ZBED1: variants seen among roughly 807,000 people sequenced by gnomAD.
ZBED1 encodes the protein zinc finger BED-type containing 1, also known as E3 SUMO-protein ligase ZBED1.
In ZBED1, 19 loss-of-function variants were observed where a neutral mutation model predicts 49.7. That is an observed-to-expected ratio of 0.38 (90% CI 0.27 to 0.56). The LOEUF (loss-of-function observed/expected upper bound fraction) is 0.56, where lower values mean the gene tolerates loss of function less well. Among genes scored for constraint, ZBED1 ranks in the 20% least tolerant of loss-of-function variants. The pLI is 0.70. For synonymous variants in ZBED1, 439 were observed against 440.3 expected (o/e 1.00, Z 0.04); for missense variants, 806 against 972.6 (o/e 0.83, Z 2.28).
rs373823098 is a variant in ZBED1 at position 2,489,096 on chromosome X, T to C, written c.1624A>G (p.Ser542Gly). ...LMRTSTPPPA[S>G]VINNMLAEIF... Reference sequence around the variant, plus strand: ...TCGGCCAGCATGTTGTTGATGACGCTGGCGGGCGGCGGCGTGGATGTCCGC... The same window carrying C: ...TCGGCCAGCATGTTGTTGATGACGCCGGCGGGCGGCGGCGTGGATGTCCGC... The change falls in exon 2 of 2, where the codon AGC becomes GGC. Residue 542 changes from serine to glycine, a missense_variant. Physicochemically the swap from Ser to Gly is moderately conservative, Grantham distance 56. Transcript: ENST00000652001. The C allele has an allele frequency of 4.3e-6, 7 of 1,613,584 alleles. No individual in the cohort carries two copies. Among genetic ancestry groups the C allele is most frequent in the Non-Finnish European group, 4.2e-6 (5 of 1,179,834 alleles).
intron 1 of ZBED1, among the ~76,000 whole-genome samples, chrX:2,492,192 T>C (rs2045168615): frequency 6.6e-6 from 1 of 152,014 alleles, no homozygotes; most frequent in Non-Finnish European, 1.5e-5. Flanking sequence ...GGAAAAAGGG[T>C]CTTTGCAGAT....
intron 1 of ZBED1, 103 bp downstream of exon 1, chrX:2,500,714 A>C: frequency 5.5e-6 from 1 of 181,476 alleles, no homozygotes; most frequent in Non-Finnish European, 7.6e-6. Context: ...CGGGAGCGCC[A>C]CCGCCTCGCC....
intron 1 of ZBED1, among the ~76,000 whole-genome samples, chrX:2,491,917 C>A (rs1423964230): frequency 6.6e-6 from 1 of 152,222 alleles, no homozygotes; most frequent in Non-Finnish European, 1.5e-5. Context: ...GCCCTTCCAG[C>A]TGCCACTCAG....
At position 2,488,344 on chromosome X, in the gene ZBED1, T is replaced by A; in HGVS notation, c.*291A>T. The A allele has an allele frequency of 2.6e-6, 1 of 378,042 alleles. No individual in the cohort carries two copies. The highest frequency in any genetic ancestry group is 4.7e-6 in the Non-Finnish European group (1 of 214,616). 23.4% of individuals were successfully genotyped at this position (378,042 alleles called of 1,614,324 possible). ...CACATGCCATCAGTCCTGGCTAATT[T>A]TTGTATTTTTAGTAGAGACGGGGTT... On this transcript the variant is annotated 3_prime_UTR_variant, in exon 2 of 2. Transcript: ENST00000652001.
Position 2,490,485 on chromosome X carries a change from C to T in ZBED1, c.235G>A (p.Val79Ile), listed in dbSNP as rs376758212. 10 of 1,613,992 alleles carry T rather than the reference C, an allele frequency of 6.2e-6. No individual in the cohort carries two copies. The highest frequency in any genetic ancestry group is 4.5e-5 in the East Asian group (2 of 44,870). The change falls in exon 2 of 2, where the codon GTC becomes ATC. Residue 79 changes from valine to isoleucine, a missense_variant. Around this residue, in one of 2 missense-constraint regions of ZBED1, gnomAD observed 57 missense variants for 111.3 expected, o/e 0.51. Transcript: ENST00000652001. Reference protein sequence around the residue: ...KNHPEEFCEFVKSNTEQMREA... With the variant: ...KNHPEEFCEFIKSNTEQMREA... ...CGCATCTGCTCCGTGTTGCTCTTGACGAACTCGCAGAATTCCTCGGGGTGG... is the reference window on the plus strand; with the variant it reads ...CGCATCTGCTCCGTGTTGCTCTTGATGAACTCGCAGAATTCCTCGGGGTGG...
rs1055967784 is a variant in ZBED1, at chrX:2,489,782, G to A, written c.938C>T (p.Ser313Leu). ...GTACTCCACCAGTTTGCGGCAGCGC[G>A]ACAGCAGCGCCCCCAGCTTCGGGAG... Reference protein sequence around the residue: ...FQLPKLGALLSRCRKLVEYFQ... With the variant: ...FQLPKLGALLLRCRKLVEYFQ... The change falls in exon 2 of 2, where the codon TCG (serine) becomes TTG (leucine). Residue 313 changes from serine (S) to leucine (L), a missense_variant. This residue lies in a region of ZBED1 where 749 missense variants were observed against 861.3 expected (regional missense o/e 0.87). Transcript: ENST00000652001. The A allele has an allele frequency of 2.4e-5, 38 of 1,613,260 alleles. No individual in the cohort carries two copies. The highest frequency in any genetic ancestry group is 4.0e-5 in the African/African-American group (3 of 74,926).
Position 2,490,137 on chromosome X carries a change from C to T in ZBED1, c.583G>A (p.Gly195Ser). 6.2e-7 allele frequency: 1 copy of T among 1,613,940 alleles called. No individual in the cohort carries two copies. The highest frequency in any genetic ancestry group is 8.5e-7 in the Non-Finnish European group (1 of 1,179,880). ...CTCCTCCACATGTCGGTGGAGATGC[C>T]ACACCAGGTGGCCTCGGCCAGCTCC... ...LKELAEATWC[G>S]ISTDMWRSEN... The change falls in exon 2 of 2, where the codon GGC becomes AGC. Residue 195 changes from glycine to serine, a missense_variant. By Grantham distance (56) the Gly-to-Ser change is moderately conservative. This residue lies in a region of ZBED1 where 749 missense variants were observed against 861.3 expected (regional missense o/e 0.87). Transcript: ENST00000652001.
intron 1 of ZBED1, 59 bp downstream of exon 1, chrX:2,500,758 G>C: frequency 1.2e-3 from 372 of 301,742 alleles, no homozygotes; most frequent in Non-Finnish European, 1.4e-3. Flanking sequence ...CCCCGCCCCC[G>C]AGCCAGCCCG....
At chrX:2,493,296 C>T (rs1336315708) in intron 1 of ZBED1, among the ~76,000 whole-genome samples, 1 of 152,120 alleles carries the variant, frequency 6.6e-6, no homozygotes, top group Non-Finnish European at 1.5e-5. Context: ...AGTGACAGGA[C>T]ACAGCTGTAT....
intron 1 of ZBED1, among the ~76,000 whole-genome samples, chrX:2,497,695 A>T (rs957198463): frequency 2.6e-5 from 4 of 152,216 alleles, no homozygotes; most frequent in African/African-American, 9.6e-5. Flanking sequence ...CTGTGGCAGT[A>T]TTGGAACTGG....
intron 1 of ZBED1, among the ~76,000 whole-genome samples, chrX:2,490,994 C>T (rs1179706939): frequency 1.3e-5 from 2 of 151,988 alleles, no homozygotes; most frequent in East Asian, 1.9e-4. Context: ...GCAGCGATGC[C>T]GCACGTGTCA....
chrX:2,500,822 T>C lies in ZBED1; in HGVS notation c.-59A>G. On this transcript the variant is annotated 5_prime_UTR_variant, in exon 1 of 2. Transcript: ENST00000652001. ...CCCTGCCCCGCCCCGCTGACCTGGCTCCAGGAAGCCCCCGCGGCAGCGCCG... is the reference window on the plus strand; with the variant it reads ...CCCTGCCCCGCCCCGCTGACCTGGCCCCAGGAAGCCCCCGCGGCAGCGCCG... 1 of 1,100,082 alleles carries C rather than the reference T, an allele frequency of 9.1e-7. No individual in the cohort carries two copies. The highest frequency in any genetic ancestry group is 1.1e-6 in the Non-Finnish European group (1 of 908,428). The allele number at this position is 1,100,082 out of a possible 1,614,324, so 68.1% of individuals were successfully genotyped here.
Position 2,493,026 on chromosome X carries a change from C to T in ZBED1, c.-53-2254G>A, listed in dbSNP as rs192497968. On this transcript the variant is annotated intron_variant, in intron 1 of 1. Coordinates refer to ENST00000652001, the MANE Select transcript of ZBED1 (RefSeq NM_001171136.2). ...AGTGCTTTTTAGGGAGACGCCGCCA[C>T]GTGCCAGGTGAGCTGGGCATTGCCA... 5.1e-4 allele frequency among the ~76,000 whole-genome samples: 77 copies of T among 152,354 alleles called. No individual in the cohort carries two copies. In the East Asian group the frequency reaches 0.01, roughly 21 times the overall value.
intron 1 of ZBED1, among the ~76,000 whole-genome samples, chrX:2,498,201 G>T (rs937110358): frequency 2.0e-5 from 3 of 152,090 alleles, no homozygotes; most frequent in Admixed American, 2.0e-4. Flanking sequence ...TCCTTTGTAC[G>T]ATACCTAAGA....
At chrX:2,498,218 C>T (rs2045328383) in intron 1 of ZBED1, among the ~76,000 whole-genome samples, 1 of 152,268 alleles carries the variant, frequency 6.6e-6, no homozygotes. Flanking sequence ...AAGAAGAACA[C>T]GCTCCATTTG....
chrX:2,487,999 C>G lies in ZBED1; in HGVS notation c.*636G>C, dbSNP rs945154174. The G allele has an allele frequency of 4.6e-5, 7 of 151,854 alleles. No individual in the cohort carries two copies. The highest frequency in any genetic ancestry group is 1.7e-4 in the African/African-American group (7 of 41,306). 9.4% of individuals were successfully genotyped at this position (151,854 alleles called of 1,614,324 possible). A position where few individuals can be genotyped will look rare whatever the true frequency, so the allele number is the denominator to read the frequency against. ...AATGTTCCTGCGTTTCTTCTAAACC[C>G]TCCCAGGGAGAACTCGAATCAGACA... On this transcript the variant is annotated 3_prime_UTR_variant, in exon 2 of 2. Coordinates refer to ENST00000652001, the MANE Select transcript of ZBED1 (RefSeq NM_001171136.2).
chrX:2,486,813 C>T lies in ZBED1; in HGVS notation c.*1822G>A, dbSNP rs1027738113. 6.6e-6 allele frequency: 1 copy of T among 152,234 alleles called. No individual in the cohort carries two copies. The highest frequency in any genetic ancestry group is 2.4e-5 in the African/African-American group (1 of 41,448). The allele number at this position is 152,234 out of a possible 1,614,324, so 9.4% of individuals were successfully genotyped here. On this transcript the variant is annotated 3_prime_UTR_variant, in exon 2 of 2. Transcript: ENST00000652001. Reference sequence around the variant, plus strand: ...AAGCAAAGGTTACGTGGATTTCTCCCGTGCTTCCTTTTCCACAGACTTAAA... The same window carrying T: ...AAGCAAAGGTTACGTGGATTTCTCCTGTGCTTCCTTTTCCACAGACTTAAA...
At chrX:2,498,710 T>G (rs1417264358) in intron 1 of ZBED1, among the ~76,000 whole-genome samples, 2 of 151,974 alleles carry the variant, frequency 1.3e-5, no homozygotes, top group Admixed American at 6.6e-5. Context: ...GGTGAGCTGC[T>G]GCAGGAACCC....
chrX:2,498,848 G>A (rs536911974), intron 1 of ZBED1, among the ~76,000 whole-genome samples: 7 of 152,148 alleles, frequency 4.6e-5, no homozygotes, highest in African/African-American at 9.6e-5. Flanking sequence ...GCTGTAAACC[G>A]TTCACCTTGC....
Sources: allele counts gnomAD v4.1 joint callset (sites outside exome capture counted in the v4.1 genomes callset), GRCh38; gene constraint gnomAD v4.1.1; regional missense constraint gnomAD v4.1.1; transcripts MANE v1.5; gene names NCBI Gene and HGNC (gene_info 2026-07-23, HGNC 2026-07-21).